CRYBB1: variants seen among roughly 807,000 people sequenced by gnomAD.
CRYBB1 encodes the protein beta-crystallin B1.
In CRYBB1, 16 loss-of-function variants were observed where a neutral mutation model predicts 29.5. That is an observed-to-expected ratio of 0.54 (90% CI 0.37 to 0.82). The LOEUF (loss-of-function observed/expected upper bound fraction) is 0.82, where lower values mean the gene tolerates loss of function less well. Among genes scored for constraint, CRYBB1 ranks in the 40% least tolerant of loss-of-function variants. The pLI, the probability that CRYBB1 is intolerant of heterozygous loss-of-function variation, is 0.00. For synonymous variants in CRYBB1, 127 were observed against 136.7 expected (o/e 0.93, Z 0.49); for missense variants, 300 against 350.5 (o/e 0.86, Z 1.15).
At chr22:26,614,404 G>A (rs936880448) in intron 2 of CRYBB1, among the ~76,000 whole-genome samples, 7 of 152,082 alleles carry the variant, frequency 4.6e-5, no homozygotes, top group Non-Finnish European at 8.8e-5. Flanking sequence ...CAAGCTGGCC[G>A]ACGCTTAGGA....
chr22:26,607,813 C>T, intron 4 of CRYBB1, 76 bp downstream of exon 4: 1 of 1,604,908 alleles, frequency 6.2e-7, no homozygotes, highest in Non-Finnish European at 8.5e-7. Flanking sequence ...TCCTTCTTGC[C>T]CTTGTCAGAT....
intron 2 of CRYBB1, 68 bp downstream of exon 2, chr22:26,616,069 GAGA>G (rs1194447728): frequency 8.4e-6 from 10 of 1,184,246 alleles, no homozygotes; most frequent in African/African-American, 6.0e-5. Flanking sequence ...AGAGGAGGAG[GAGA>G]AGAAGGAGGA....
intron 3 of CRYBB1, among the ~76,000 whole-genome samples, chr22:26,609,379 T>C (rs1374824144): frequency 2.0e-5 from 3 of 152,084 alleles, no homozygotes; most frequent in Non-Finnish European, 4.4e-5. Flanking sequence ...GGAGAATAGA[T>C]GGATGGATGG....
chr22:26,610,949 G>C (rs1929136408), intron 3 of CRYBB1, among the ~76,000 whole-genome samples: 1 of 152,172 alleles, frequency 6.6e-6, no homozygotes, highest in African/African-American at 2.4e-5. Context: ...TTTCAAAGTG[G>C]GGGAGACAAG....
intron 4 of CRYBB1, among the ~76,000 whole-genome samples, chr22:26,604,926 G>A (rs79036931): frequency 0.023 from 3,439 of 152,208 alleles, 124 homozygotes; most frequent in African/African-American, 0.078. Context: ...GACCCTACAA[G>A]ACCCTGGTCT....
In CRYBB1 at chr22:26,616,141, C is replaced by A; in HGVS notation, c.179G>T (p.Arg60Met). Residue 60 changes from arginine (R) to methionine (M), a missense_variant and splice_region_variant, in exon 2 of 6, where the codon AGG becomes ATG. Arg to Met is a moderately conservative substitution (Grantham distance 91, BLOSUM62 -1). Coordinates refer to ENST00000647684, the MANE Select transcript of CRYBB1 (RefSeq NM_001887.4). ...KAAELPPGNY[R>M]LVVFELENFQ... ...GCCACTGCACCCCCAGGTCCTTACC[C>A]TGTAGTTCCCAGGAGGCAGTTCCGC... is the stretch of plus-strand genomic sequence containing the variant. The A allele has an allele frequency of 3.1e-6, 5 of 1,614,002 alleles. No individual in the cohort carries two copies. The highest frequency in any genetic ancestry group is 4.2e-6 in the Non-Finnish European group (5 of 1,179,848).
At chr22:26,613,323 A>G (rs1341728204) in intron 2 of CRYBB1, among the ~76,000 whole-genome samples, 1 of 152,102 alleles carries the variant, frequency 6.6e-6, no homozygotes, top group Non-Finnish European at 1.5e-5. Context: ...GGTTCATATA[A>G]CCATGACCCA....
chr22:26,606,513 G>A (rs1319487209), intron 4 of CRYBB1, among the ~76,000 whole-genome samples: 1 of 152,126 alleles, frequency 6.6e-6, no homozygotes, highest in Non-Finnish European at 1.5e-5. Context: ...GAAGCTACTG[G>A]AAATGCCCTG....
chr22:26,604,498 G>T (rs1424611797), intron 4 of CRYBB1, among the ~76,000 whole-genome samples: 1 of 152,236 alleles, frequency 6.6e-6, no homozygotes, highest in Non-Finnish European at 1.5e-5. Context: ...GAAAGAACTG[G>T]TTAATTCTTC....
At chr22:26,608,810 C>A (rs531404707) in intron 3 of CRYBB1, among the ~76,000 whole-genome samples, 40 of 151,684 alleles carry the variant, frequency 2.6e-4, no homozygotes, top group Non-Finnish European at 4.3e-4. Context: ...TAGTATGAGG[C>A]AATGGGAAGG....
intron 1 of CRYBB1, 32 bp from the exon 2 acceptor site, chr22:26,616,370 A>G (rs765950844): frequency 1.3e-6 from 2 of 1,487,774 alleles, no homozygotes; most frequent in Non-Finnish European, 9.3e-7. Context: ...CAGGGATGAC[A>G]CCCCCAAACT....
At chr22:26,606,914 C>T (rs916687993) in intron 4 of CRYBB1, among the ~76,000 whole-genome samples, 2 of 152,008 alleles carry the variant, frequency 1.3e-5, no homozygotes, top group South Asian at 2.1e-4. Flanking sequence ...CCATTTTGAC[C>T]TTGAATCTTC....
intron 2 of CRYBB1, 98 bp downstream of exon 2, chr22:26,616,042 T>G (rs1163849140): frequency 5.4e-6 from 5 of 923,218 alleles, no homozygotes; most frequent in East Asian, 2.5e-5. Flanking sequence ...TGCGGAGGAG[T>G]AAGAGGTGAA....
rs1396159726 is a variant in CRYBB1 at position 26,612,908 on chromosome 22, C to T, written c.181-718G>A. ...TCCTCCATCGGCCTTGGTTGAGCAT[C>T]CCCCACTGTCCTCTCCCCATTAGCA... On this transcript the variant is annotated intron_variant, in intron 2 of 5. Transcript: ENST00000647684. Among the ~76,000 whole-genome samples, 4 of 152,138 alleles carry T rather than the reference C, an allele frequency of 2.6e-5. No homozygotes were observed. In the East Asian group the frequency reaches 7.7e-4, roughly 29 times the overall value.
At chr22:26,609,978 C>T (rs1929104027) in intron 3 of CRYBB1, among the ~76,000 whole-genome samples, 1 of 152,168 alleles carries the variant, frequency 6.6e-6, no homozygotes, top group African/African-American at 2.4e-5. Context: ...AATACTGTTC[C>T]TGATTAAAGG....
At chr22:26,609,298 T>C (rs1929084424) in intron 3 of CRYBB1, among the ~76,000 whole-genome samples, 1 of 152,206 alleles carries the variant, frequency 6.6e-6, no homozygotes, top group South Asian at 2.1e-4. Context: ...ATTAAAGATA[T>C]GTTTGTCTTC....
chr22:26,613,109 CT>C (rs1462210634), intron 2 of CRYBB1, among the ~76,000 whole-genome samples: 1 of 152,236 alleles, frequency 6.6e-6, no homozygotes, highest in Non-Finnish European at 1.5e-5. Context: ...TGCCACAGAG[CT>C]GATGCTCAGG....
chr22:26,607,048 A>C (rs913603167), intron 4 of CRYBB1, among the ~76,000 whole-genome samples: 2 of 99,342 alleles, frequency 2.0e-5, no homozygotes, highest in African/African-American at 8.2e-5. Context: ...TTTGAGATGG[A>C]GTCTGGCACC....
intron 3 of CRYBB1, among the ~76,000 whole-genome samples, chr22:26,610,678 C>T (rs886838712): frequency 1.3e-5 from 2 of 152,122 alleles, no homozygotes; most frequent in African/African-American, 2.4e-5. Context: ...GAGGTGGGTA[C>T]GTGACCATCA....
Sources: allele counts gnomAD v4.1 joint callset (sites outside exome capture counted in the v4.1 genomes callset), GRCh38; gene constraint gnomAD v4.1.1; transcripts MANE v1.5; gene names NCBI Gene and HGNC (gene_info 2026-07-23, HGNC 2026-07-21).